DLGAP1: variants seen among roughly 807,000 people sequenced by gnomAD.
The protein encoded by DLGAP1 is DLG associated protein 1.
A neutral mutation model predicts 90.8 loss-of-function variants in DLGAP1; 11 were observed. The ratio of observed to expected loss-of-function variants is 0.12; its 90% CI spans 0.08 to 0.20. DLGAP1 has a LOEUF of 0.20. DLGAP1 is among the 10% of genes least tolerant of loss of function. DLGAP1 has a pLI of 1.00. For missense variants in DLGAP1, 1,050 were observed against 1,333.8 expected, an observed-to-expected ratio of 0.79 and a Z score of 3.31; for synonymous variants, 558 against 540.7, an observed-to-expected ratio of 1.03 and a Z score of -0.44.
chr18:3,530,389 A>G (rs1006818639), intron 10 of DLGAP1, among the ~76,000 whole-genome samples: 1 of 152,114 alleles, frequency 6.6e-6, no homozygotes, highest in African/African-American at 2.4e-5. Context: ...CCTGGGTCAC[A>G]GGGCAAGACT....
At chr18:4,144,335 T>C (rs1336437166) in intron 2 of DLGAP1, among the ~76,000 whole-genome samples, 1 of 152,176 alleles carries the variant, frequency 6.6e-6, no homozygotes, top group Non-Finnish European at 1.5e-5. Flanking sequence ...AAGTGCTGCC[T>C]TCATGAGTGC....
intron 3 of DLGAP1, among the ~76,000 whole-genome samples, chr18:3,899,948 C>T (rs950782838): frequency 4.6e-5 from 7 of 151,746 alleles, no homozygotes; most frequent in African/African-American, 1.7e-4. Context: ...TTGTTTAGAC[C>T]CTGGGAATGG....
At chr18:3,537,535 C>T (rs1216044354) in intron 9 of DLGAP1, among the ~76,000 whole-genome samples, 2 of 152,160 alleles carry the variant, frequency 1.3e-5, no homozygotes, top group South Asian at 2.1e-4. Context: ...AAGTTGCTTT[C>T]ACCTTTTGGC....
intron 7 of DLGAP1, among the ~76,000 whole-genome samples, chr18:3,697,114 C>T (rs954476303): frequency 3.3e-5 from 5 of 151,900 alleles, no homozygotes; most frequent in African/African-American, 1.2e-4. Flanking sequence ...GGCTAGTGGT[C>T]TATTTTGTTA....
chr18:3,656,025 A>G, intron 7 of DLGAP1: 1 of 1,482,912 alleles, frequency 6.7e-7, no homozygotes, highest in Middle Eastern at 1.7e-4. Context: ...TTTAGCTACA[A>G]GCCACGCTAT....
intron 4 of DLGAP1, among the ~76,000 whole-genome samples, chr18:3,863,399 G>C (rs1277655422): frequency 6.6e-6 from 1 of 152,128 alleles, no homozygotes; most frequent in African/African-American, 2.4e-5. Context: ...GCCTTTGTTA[G>C]AAAAATCATC....
chr18:4,235,609 C>T (rs757032110), intron 1 of DLGAP1, among the ~76,000 whole-genome samples: 2 of 151,190 alleles, frequency 1.3e-5, no homozygotes, highest in Admixed American at 1.3e-4. Context: ...AACACTTTCT[C>T]TTATTTGATT....
intron 1 of DLGAP1, among the ~76,000 whole-genome samples, chr18:4,155,920 T>G (rs2076748712): frequency 6.6e-6 from 1 of 152,154 alleles, no homozygotes; most frequent in Non-Finnish European, 1.5e-5. Flanking sequence ...GCTGGAAAGC[T>G]TGTGAACCAC....
intron 7 of DLGAP1, among the ~76,000 whole-genome samples, chr18:3,684,945 A>G (rs777190651): frequency 6.6e-5 from 10 of 152,244 alleles, no homozygotes; most frequent in Non-Finnish European, 1.3e-4. Flanking sequence ...GTTCAAATGA[A>G]AAGCTGAAAA....
chr18:4,020,994 T>G (rs1217159213), intron 2 of DLGAP1, among the ~76,000 whole-genome samples: 4 of 152,170 alleles, frequency 2.6e-5, no homozygotes, highest in Admixed American at 6.5e-5. Context: ...CACCCATGAA[T>G]AGTAGACCGC....
At chr18:4,207,232 G>A (rs1008650197) in intron 1 of DLGAP1, among the ~76,000 whole-genome samples, 15 of 152,172 alleles carry the variant, frequency 9.9e-5, no homozygotes, top group African/African-American at 2.2e-4. Flanking sequence ...CAACAATGGC[G>A]AAAGGTGAAG....
chr18:4,269,358 T>G (rs992004861), intron 1 of DLGAP1, among the ~76,000 whole-genome samples: 2 of 128,260 alleles, frequency 1.6e-5, no homozygotes, highest in African/African-American at 4.2e-5. Flanking sequence ...ATATATATTT[T>G]TTTTTTTCTT....
chr18:3,645,887 T>C (rs563312350), intron 7 of DLGAP1, among the ~76,000 whole-genome samples: 7 of 152,298 alleles, frequency 4.6e-5, no homozygotes, highest in Admixed American at 4.6e-4. Flanking sequence ...TTAATAAGCA[T>C]GAAGCAATAG....
intron 7 of DLGAP1, among the ~76,000 whole-genome samples, chr18:3,600,729 G>GAT (rs1167524065): frequency 7.5e-5 from 2 of 26,824 alleles, no homozygotes; most frequent in Admixed American, 6.5e-4. Flanking sequence ...TAGAGATATA[G>GAT]ATATATATAG....
At chr18:3,837,831 G>A (rs537315633) in intron 4 of DLGAP1, among the ~76,000 whole-genome samples, 21 of 119,250 alleles carry the variant, frequency 1.8e-4, no homozygotes, top group African/African-American at 5.8e-4. Context: ...CAGCCTGGGC[G>A]ACAGAGTGAG....
At chr18:4,009,372 CT>C (rs1483082457) in intron 2 of DLGAP1, among the ~76,000 whole-genome samples, 2 of 152,228 alleles carry the variant, frequency 1.3e-5, no homozygotes, top group African/African-American at 2.4e-5. Flanking sequence ...TCCATGTTTC[CT>C]ACTGTATTGC....
chr18:4,454,189 C>G lies in DLGAP1; in HGVS notation c.-267+817G>C, dbSNP rs1365094888. Among the ~76,000 whole-genome samples, 1 of 152,196 alleles carries G rather than the reference C, an allele frequency of 6.6e-6. No individual in the cohort carries two copies. The highest frequency in any genetic ancestry group is 1.5e-5 in the Non-Finnish European group (1 of 68,038). On this transcript the variant is annotated intron_variant, in intron 1 of 12. Coordinates refer to ENST00000315677, the MANE Select transcript of DLGAP1 (RefSeq NM_004746.4). This position sits in a 1 kb window ranked among gnomAD's most constrained non-coding sequence, Gnocchi z 4.7. ...AGGGTCTTCATCGCCGCGGGCCCTC[C>G]GAAGGTGCCTCTCCCAGCTGCAGCC...
intron 9 of DLGAP1, among the ~76,000 whole-genome samples, chr18:3,550,734 CTTTTTTT>C (rs1165404588): frequency 7.0e-5 from 6 of 85,240 alleles, no homozygotes; most frequent in South Asian, 5.4e-4. Flanking sequence ...GAACCAGACC[CTTTTTTT>C]TTTTTTTTTT....
At chr18:4,085,284 G>T (rs187200134) in intron 2 of DLGAP1, among the ~76,000 whole-genome samples, 131 of 152,200 alleles carry the variant, frequency 8.6e-4, no homozygotes, top group African/African-American at 3.0e-3. Flanking sequence ...GGTGGTCTTG[G>T]GGTTTGATTA....
Sources: allele counts gnomAD v4.1 joint callset (sites outside exome capture counted in the v4.1 genomes callset), GRCh38; gene constraint gnomAD v4.1.1; non-coding constraint Gnocchi (gnomAD v3.1); transcripts MANE v1.5; gene names NCBI Gene and HGNC (gene_info 2026-07-23, HGNC 2026-07-21).